MAB21L3: variants seen among roughly 807,000 people sequenced by gnomAD.
MAB21L3 encodes the protein mab-21 like 3, also known as protein mab-21-like 3.
A neutral mutation model predicts 37.7 loss-of-function variants in MAB21L3; 36 were observed. That is an observed-to-expected ratio of 0.96 (90% CI 0.73 to 1.26). MAB21L3 has a LOEUF of 1.26. Ranked by LOEUF, MAB21L3 falls within the 50% of genes most tolerant of loss-of-function variation. MAB21L3 has a pLI of 0.00. For synonymous variants in MAB21L3, 186 were observed against 176.8 expected (o/e 1.05, Z -0.41); for missense variants, 430 against 447.3 (o/e 0.96, Z 0.35).
Position 116,120,966 on chromosome 1 carries a change from T to A in MAB21L3, c.83T>A (p.Val28Glu). ...AGGCGCCAGCAGATTTCCCAGGCTG[T>A]GGAGGAGGTGCAGAAAGTCGTTCAT... ...DLRRQQISQA[V>E]EEVQKVVHHL... Residue 28 changes from valine to glutamate, a missense_variant, in exon 4 of 8, where the codon GTG (valine) becomes GAG (glutamate). Val to Glu is a moderately radical substitution (Grantham distance 121). Coordinates refer to ENST00000369500, the MANE Select transcript of MAB21L3 (RefSeq NM_152367.3). 1 of 1,614,136 alleles carries A rather than the reference T, an allele frequency of 6.2e-7. No individual in the cohort carries two copies. Among genetic ancestry groups the A allele is most frequent in the South Asian group, 1.1e-5 (1 of 91,078 alleles).
At position 116,137,508 on chromosome 1, in the gene MAB21L3, A is replaced by C. The variant is rs1420440894; in HGVS notation, c.*4143A>C. ...TGGAGAGGATGTGGAGAAATAGGAA[A>C]ACTTTTACACTGTTGGTGGGACTGT... On this transcript the variant is annotated 3_prime_UTR_variant, in exon 8 of 8. Coordinates refer to ENST00000369500, the MANE Select transcript of MAB21L3 (RefSeq NM_152367.3). Among the ~76,000 whole-genome samples the C allele has an allele frequency of 9.4e-5, 14 of 148,896 alleles. No homozygotes were observed. The highest frequency in any genetic ancestry group is 6.4e-4 in the South Asian group (3 of 4,678).
chr1:116,124,065 G>C lies in MAB21L3; in HGVS notation c.190-1G>C, dbSNP rs750897535. On this transcript the variant is annotated splice_acceptor_variant, in intron 4 of 7. Coordinates refer to ENST00000369500, the MANE Select transcript of MAB21L3 (RefSeq NM_152367.3). LOFTEE classifies it high-confidence loss of function. Reference sequence around the variant, plus strand: ...TGTTTTCAATCCTTTCCTGACCCTAGGTTTTGGCTCCCAGTCAGTTCCTCG... The same window carrying C: ...TGTTTTCAATCCTTTCCTGACCCTACGTTTTGGCTCCCAGTCAGTTCCTCG... 2.5e-6 allele frequency: 4 copies of C among 1,595,606 alleles called. No individual in the cohort carries two copies. Among genetic ancestry groups the C allele is most frequent in the South Asian group, 2.2e-5 (2 of 89,504 alleles).
At chr1:116,117,857 C>A (rs1370100897) in intron 3 of MAB21L3, among the ~76,000 whole-genome samples, 1 of 152,130 alleles carries the variant, frequency 6.6e-6, no homozygotes, top group African/African-American at 2.4e-5. Flanking sequence ...TGCATGCACC[C>A]TTTTCCCCTT....
intron 5 of MAB21L3, 55 bp downstream of exon 5, chr1:116,124,412 T>G: frequency 6.6e-7 from 1 of 1,524,580 alleles, no homozygotes; most frequent in South Asian, 1.2e-5. Context: ...CCTTTCACTC[T>G]ATAAAACCTC....
At position 116,137,979 on chromosome 1, in the gene MAB21L3, G is replaced by T. The variant is rs1476209299; in HGVS notation, c.*4614G>T. Among the ~76,000 whole-genome samples the T allele has an allele frequency of 1.3e-3, 163 of 122,894 alleles. 3 individuals carry two copies. The highest frequency in any genetic ancestry group is 4.7e-3 in the African/African-American group (152 of 32,678). The allele number at this position is 122,894 out of a possible 152,430, so 80.6% of individuals were successfully genotyped here. On this transcript the variant is annotated 3_prime_UTR_variant, in exon 8 of 8. Coordinates refer to ENST00000369500, the MANE Select transcript of MAB21L3 (RefSeq NM_152367.3). The stretch of plus-strand genomic sequence containing the variant: ...CACACTCTGGGGACTGTTGTGGGGT[G>T]GGGGGAGGGGGGAGGGATAGCATTG...
In MAB21L3 at chr1:116,128,179, A is replaced by G. The variant is rs1659964976; in HGVS notation, c.695A>G (p.Tyr232Cys). Residue 232 changes from tyrosine (Y) to cysteine (C), a missense_variant, in exon 7 of 8, where the codon TAT (tyrosine) becomes TGT (cysteine). Coordinates refer to ENST00000369500, the MANE Select transcript of MAB21L3 (RefSeq NM_152367.3). ...TTTAACTTGTTGGCCTGTTCAAATT[A>G]TCACTGGCAGCTGAGCTTCCTCCGT... ...FGFNLLACSN[Y>C]HWQLSFLRAE... The G allele has an allele frequency of 6.2e-7, 1 of 1,613,474 alleles. No homozygotes were observed. The highest frequency in any genetic ancestry group is 1.3e-5 in the African/African-American group (1 of 74,880).
Position 116,124,090 on chromosome 1 carries a change from G to T in MAB21L3, c.214G>T (p.Val72Phe), listed in dbSNP as rs571602004. The change falls in exon 5 of 8, where the codon GTC becomes TTC. Residue 72 changes from valine to phenylalanine, a missense_variant. By Grantham distance (50) the Val-to-Phe change is conservative. Coordinates refer to ENST00000369500, the MANE Select transcript of MAB21L3 (RefSeq NM_152367.3). ...GGTTTTGGCTCCCAGTCAGTTCCTC[G>T]TCACAGTCCCAATAAAAGGCCTGGC... ...IKVLAPSQFL[V>F]TVPIKGLAGY... 6.2e-7 allele frequency: 1 copy of T among 1,607,828 alleles called. No homozygotes were observed. Among genetic ancestry groups the T allele is most frequent in the African/African-American group, 1.3e-5 (1 of 74,658 alleles).
intron 3 of MAB21L3, among the ~76,000 whole-genome samples, chr1:116,113,696 A>T (rs1288619082): frequency 6.6e-6 from 1 of 152,226 alleles, no homozygotes; most frequent in Non-Finnish European, 1.5e-5. Flanking sequence ...TTTCACAAAC[A>T]TTTCAAAATA....
At chr1:116,112,824 T>C (rs1459725440) in intron 3 of MAB21L3, among the ~76,000 whole-genome samples, 161 bp downstream of exon 3, 3 of 152,130 alleles carry the variant, frequency 2.0e-5, no homozygotes, top group Non-Finnish European at 4.4e-5. Flanking sequence ...GCTTAACATA[T>C]ATCAGCCTTA....
Position 116,136,416 on chromosome 1 carries a change from A to C in MAB21L3, c.*3051A>C, listed in dbSNP as rs1660199420. Among the ~76,000 whole-genome samples, 1 of 151,898 alleles carries C rather than the reference A, an allele frequency of 6.6e-6. No homozygotes were observed. The highest frequency in any genetic ancestry group is 2.1e-4 in the South Asian group (1 of 4,828). On this transcript the variant is annotated 3_prime_UTR_variant, in exon 8 of 8. Transcript: ENST00000369500. ...AAAATACTTAGGAATCCAACTTACA[A>C]GGGACGTGAAGGACCTCTTCAAGGA...
chr1:116,120,800 G>T, intron 3 of MAB21L3, 132 bp from the exon 4 acceptor site: 1 of 1,128,060 alleles, frequency 8.9e-7, no homozygotes, highest in Non-Finnish European at 1.3e-6. Context: ...CCGGCATCTT[G>T]GGAAGGCAGG....
chr1:116,130,607 G>T (rs1294388000), intron 7 of MAB21L3, among the ~76,000 whole-genome samples: 1 of 152,120 alleles, frequency 6.6e-6, no homozygotes, highest in Non-Finnish European at 1.5e-5. Flanking sequence ...GAAGAGGTTG[G>T]GTTGCAAAAC....
chr1:116,113,525 T>A (rs1268340548), intron 3 of MAB21L3, among the ~76,000 whole-genome samples: 3 of 152,160 alleles, frequency 2.0e-5, no homozygotes, highest in Non-Finnish European at 4.4e-5. Context: ...AAGAAAAAAC[T>A]CCAAACTTTT....
chr1:116,124,066 GT>G lies in MAB21L3; in HGVS notation c.194del (p.Leu65TrpfsTer12). The G allele has an allele frequency of 1.3e-6, 2 of 1,596,348 alleles. No homozygotes were observed. The highest frequency in any genetic ancestry group is 1.7e-6 in the Non-Finnish European group (2 of 1,168,918). On this transcript the variant is annotated frameshift_variant and splice_region_variant, in exon 5 of 8. Coordinates refer to ENST00000369500, the MANE Select transcript of MAB21L3 (RefSeq NM_152367.3). LOFTEE classifies it high-confidence loss of function. The part of the protein sequence containing the change: ...YSDTYNENIK[V>X]LAPSQFLVTV... ...GTTTTCAATCCTTTCCTGACCCTAG[GT>G]TTTGGCTCCCAGTCAGTTCCTCGTC...
chr1:116,119,170 A>G (rs1257692407), intron 3 of MAB21L3, among the ~76,000 whole-genome samples: 2 of 152,298 alleles, frequency 1.3e-5, no homozygotes, highest in Admixed American at 6.5e-5. Flanking sequence ...GCATCCCACA[A>G]TTGTATTCTG....
intron 3 of MAB21L3, among the ~76,000 whole-genome samples, chr1:116,120,428 C>CACACACACACACACAG (rs113760206): frequency 8.0e-5 from 12 of 149,700 alleles, no homozygotes; most frequent in African/African-American, 2.7e-4. Context: ...CACACACACA[C>CACACACACACACACAG]ACAAACACAC....
Position 116,112,569 on chromosome 1 carries a change from A to C in MAB21L3, c.-47A>C, listed in dbSNP as rs759608767. On this transcript the variant is annotated 5_prime_UTR_variant, in exon 3 of 8. Coordinates refer to ENST00000369500, the MANE Select transcript of MAB21L3 (RefSeq NM_152367.3). ...AGTGTTGCACTCCATTGAGAAAAAA[A>C]AAAAAACCAGGAAGTTGCTGTTCTA... 1 of 1,598,160 alleles carries C rather than the reference A, an allele frequency of 6.3e-7. No homozygotes were observed. The highest frequency in any genetic ancestry group is 8.5e-7 in the Non-Finnish European group (1 of 1,170,342).
Position 116,127,532 on chromosome 1 carries a change from T to A in MAB21L3, c.548T>A (p.Val183Glu). 2 of 1,614,120 alleles carry A rather than the reference T, an allele frequency of 1.2e-6. No homozygotes were observed. The highest frequency in any genetic ancestry group is 1.7e-6 in the Non-Finnish European group (2 of 1,180,020). ...GCTGTGGAAACATCTGCATATCAGG[T>A]GGAACTGGAGCTGGTCCCCGCAGTG... ...WVAVETSAYQ[V>E]ELELVPAVEI... The change falls in exon 6 of 8, where the codon GTG becomes GAG. Residue 183 changes from valine to glutamate, a missense_variant. By Grantham distance (121) the Val-to-Glu change is moderately radical. Transcript: ENST00000369500.
chr1:116,125,774 CCT>C (rs1557932191), intron 5 of MAB21L3, among the ~76,000 whole-genome samples: 1 of 146,138 alleles, frequency 6.8e-6, no homozygotes, highest in African/African-American at 2.8e-5. Flanking sequence ...TCTTTTCCTA[CCT>C]GTTTTAGAGA....
Sources: allele counts gnomAD v4.1 joint callset (sites outside exome capture counted in the v4.1 genomes callset), GRCh38; gene constraint gnomAD v4.1.1; transcripts MANE v1.5; gene names NCBI Gene and HGNC (gene_info 2026-07-23, HGNC 2026-07-21).